Variants in RAD51AP2 observed in about 807,000 individuals in gnomAD.
RAD51AP2 encodes the protein RAD51 associated protein 2, also known as RAD51-associated protein 2.
In RAD51AP2, 67 loss-of-function variants were observed where a neutral mutation model predicts 85.5. The observed-to-expected ratio is 0.78, with a 90% CI of 0.64 to 0.96. RAD51AP2 has a LOEUF of 0.96. RAD51AP2 is among the 40% of genes least tolerant of loss of function. RAD51AP2 has a pLI of 0.00. For synonymous variants in RAD51AP2, 474 were observed against 446.5 expected, an observed-to-expected ratio of 1.06 and a Z score of -0.78; for missense variants, 1,307 against 1,332.4, an observed-to-expected ratio of 0.98 and a Z score of 0.30.
the RAD51AP2 span, among the ~76,000 whole-genome samples, chr2:17,532,172 C>T: frequency 6.6e-6 from 1 of 152,096 alleles, no homozygotes; most frequent in East Asian, 1.9e-4. Flanking sequence ...CACCAGTTTC[C>T]TAGGGCTGCT....
At chr2:17,529,248 CTAA>C in the RAD51AP2 span, among the ~76,000 whole-genome samples, 51 of 151,234 alleles carry the variant, frequency 3.4e-4, no homozygotes, top group East Asian at 6.4e-3. Flanking sequence ...AATTTGTCAA[CTAA>C]TAATAAAAAA....
Position 17,515,612 on chromosome 2 carries a change from A to T in RAD51AP2, c.2804T>A (p.Leu935Gln). 6.2e-7 allele frequency: 1 copy of T among 1,611,632 alleles called. No individual in the cohort carries two copies. The highest frequency in any genetic ancestry group is 8.5e-7 in the Non-Finnish European group (1 of 1,178,986). Residue 935 changes from leucine (L) to glutamine (Q), a missense_variant, in exon 1 of 3, where the codon CTG (leucine) becomes CAG (glutamine). By Grantham distance (113) the Leu-to-Gln change is moderately radical (BLOSUM62 -2). Around this residue, in one of 3 missense-constraint regions of RAD51AP2, gnomAD observed 668 missense variants for 671.0 expected, o/e 1.00. Transcript: ENST00000399080. ...AAAACATTCATCATTCCCTTCACTC[A>T]GACCAGTTTCAAATTGATGATTAAT... The part of the protein sequence containing the change: ...LYINHQFETG[L>Q]SEGNDECFQD...
In RAD51AP2 at chr2:17,515,438, G is replaced by A; in HGVS notation, c.2978C>T (p.Thr993Ile). Residue 993 changes from threonine (T) to isoleucine (I), a missense_variant, in exon 1 of 3, where the codon ACA becomes ATA. Around this residue, in one of 3 missense-constraint regions of RAD51AP2, gnomAD observed 668 missense variants for 671.0 expected, o/e 1.00. Coordinates refer to ENST00000399080, the MANE Select transcript of RAD51AP2 (RefSeq NM_001099218.3). ...AAAGTAATTTTCTTGCCCATTGTTT[G>A]TTTCCACAGTGCTTAGAAGTTCATT... Reference protein sequence around the residue: ...RENELLSTVETNNGQENYFGE... With the variant: ...RENELLSTVEINNGQENYFGE... 6.2e-7 allele frequency: 1 copy of A among 1,612,982 alleles called. No individual in the cohort carries two copies. The highest frequency in any genetic ancestry group is 1.1e-5 in the South Asian group (1 of 90,782).
the RAD51AP2 span, among the ~76,000 whole-genome samples, chr2:17,528,788 G>A: frequency 6.6e-6 from 1 of 152,150 alleles, no homozygotes; most frequent in Non-Finnish European, 1.5e-5. Context: ...AGGATGTAGT[G>A]AGCCGTGATT....
At chr2:17,511,425 T>C (rs1008413143) in intron 2 of RAD51AP2, among the ~76,000 whole-genome samples, 31 of 152,196 alleles carry the variant, frequency 2.0e-4, no homozygotes, top group Admixed American at 2.0e-3. Flanking sequence ...GGGCTCTGAG[T>C]TGGAAGTTGT....
At chr2:17,529,215 A>AT in the RAD51AP2 span, among the ~76,000 whole-genome samples, 5 of 151,776 alleles carry the variant, frequency 3.3e-5, no homozygotes, top group Admixed American at 6.6e-5. Context: ...CTCTGTATAC[A>AT]TTTACTATAA....
At chr2:17,526,498 T>G in the RAD51AP2 span, among the ~76,000 whole-genome samples, 2 of 152,170 alleles carry the variant, frequency 1.3e-5, no homozygotes, top group African/African-American at 4.8e-5. Context: ...AATTGCTGCA[T>G]GTCATTGCAG....
chr2:17,515,974 T>C lies in RAD51AP2; in HGVS notation c.2442A>G (p.Val814=), dbSNP rs750596603. The change falls in exon 1 of 3, where the codon GTA becomes GTG. Residue 814 remains valine (V), a synonymous_variant. Transcript: ENST00000399080. ...CACTTAGCAAGTTCCAAAAATTTAG[T>C]ACTTGAGTTATAGAAGTGGTATGGG... is the stretch of plus-strand genomic sequence containing the variant. ...EETHTTSITQ[V]LNFWNLLSEI... 6.2e-7 allele frequency: 1 copy of C among 1,611,408 alleles called. No individual in the cohort carries two copies. Among genetic ancestry groups the C allele is most frequent in the Admixed American group, 1.7e-5 (1 of 59,570 alleles).
rs1222867387 is a variant in RAD51AP2 at position 17,517,128 on chromosome 2, A to AT, written c.1287dup (p.Trp430MetfsTer27). The AT allele has an allele frequency of 4.6e-5, 74 of 1,610,560 alleles. No homozygotes were observed. The highest frequency in any genetic ancestry group is 6.3e-5 in the Non-Finnish European group (74 of 1,178,758). On this transcript the variant is annotated frameshift_variant, in exon 1 of 3. Transcript: ENST00000399080. LOFTEE classifies it high-confidence loss of function. ...ATTTCTAATAATAATAGCCAATTCC[A>AT]TTTTTCTTCAGTTTTTTTCATATTT... is the stretch of plus-strand genomic sequence containing the variant.
At chr2:17,511,149 C>T (rs1662481811) in intron 2 of RAD51AP2, among the ~76,000 whole-genome samples, 194 bp from the exon 3 acceptor site, 1 of 152,036 alleles carries the variant, frequency 6.6e-6, no homozygotes, top group Non-Finnish European at 1.5e-5. Context: ...AAAACATAAG[C>T]ACAAAAAGTT....
upstream of RAD51AP2, among the ~76,000 whole-genome samples, chr2:17,520,566 T>C (rs1396940809): frequency 6.6e-6 from 1 of 152,102 alleles, no homozygotes; most frequent in African/African-American, 2.4e-5. Flanking sequence ...CGTGGTGTCT[T>C]CTTATAGTTC....
chr2:17,534,040 T>G, the RAD51AP2 span, among the ~76,000 whole-genome samples: 1 of 152,232 alleles, frequency 6.6e-6, no homozygotes, highest in African/African-American at 2.4e-5. Context: ...GATTTTCCAA[T>G]AGAATTTCTT....
At chr2:17,532,050 G>A in the RAD51AP2 span, among the ~76,000 whole-genome samples, 4 of 152,002 alleles carry the variant, frequency 2.6e-5, no homozygotes, top group South Asian at 2.1e-4. Context: ...GCCGGGGTGG[G>A]GGGGGAAGCA....
the RAD51AP2 span, among the ~76,000 whole-genome samples, chr2:17,532,856 T>C: frequency 6.6e-6 from 1 of 152,250 alleles, no homozygotes. Context: ...CAAATTATTA[T>C]TTTTGTTATT....
At chr2:17,514,981 A>G (rs373410681) in intron 1 of RAD51AP2, among the ~76,000 whole-genome samples, 188 bp downstream of exon 1, 22 of 149,578 alleles carry the variant, frequency 1.5e-4, no homozygotes, top group Admixed American at 7.4e-4. Context: ...TGTTTCTATC[A>G]TAAATAAAGC....
At chr2:17,518,658 T>C (rs1483384259), upstream of RAD51AP2, among the ~76,000 whole-genome samples, 1 of 146,510 alleles carries the variant, frequency 6.8e-6, no homozygotes, top group Non-Finnish European at 1.5e-5. Context: ...CCACTGAAGG[T>C]CGGAGCACCC....
chr2:17,512,285 C>CTT (rs1662514715), intron 2 of RAD51AP2, among the ~76,000 whole-genome samples: 1 of 152,194 alleles, frequency 6.6e-6, no homozygotes, highest in Non-Finnish European at 1.5e-5. Flanking sequence ...GGCAACCACT[C>CTT]TAACTAGGCA....
chr2:17,517,964 G>C lies in RAD51AP2; in HGVS notation c.452C>G (p.Ser151Cys), dbSNP rs1258005912. The C allele has an allele frequency of 6.2e-7, 1 of 1,614,136 alleles. No homozygotes were observed. Among genetic ancestry groups the C allele is most frequent in the Non-Finnish European group, 8.5e-7 (1 of 1,180,028 alleles). Residue 151 changes from serine (S) to cysteine (C), a missense_variant, in exon 1 of 3, where the codon TCC (serine) becomes TGC (cysteine). By Grantham distance (112) the Ser-to-Cys change is moderately radical. Coordinates refer to ENST00000399080, the MANE Select transcript of RAD51AP2 (RefSeq NM_001099218.3). The part of the protein sequence containing the change: ...EAFSVHRSNS[S>C]KAGVSQLLPS... Reference sequence around the variant, plus strand: ...CAGAAGTTGACTAACCCCTGCTTTGGAGCTATTACTGCGGTGCACACTGAA... The same window carrying C: ...CAGAAGTTGACTAACCCCTGCTTTGCAGCTATTACTGCGGTGCACACTGAA...
Position 17,517,685 on chromosome 2 carries a change from T to G in RAD51AP2, c.731A>C (p.Glu244Ala), listed in dbSNP as rs370006156. Residue 244 changes from glutamate to alanine, a missense_variant, in exon 1 of 3, where the codon GAA becomes GCA. This residue lies in a region of RAD51AP2 where 635 missense variants were observed against 643.6 expected (regional missense o/e 0.99). Transcript: ENST00000399080. Reference protein sequence around the residue: ...ISKSQNQPSLEIAKPSYFRDS... With the variant: ...ISKSQNQPSLAIAKPSYFRDS... ...TCTAAAATAGCTAGGTTTGGCAATT[T>G]CCAAGCTGGGCTGGTTTTGAGATTT... The G allele has an allele frequency of 6.2e-7, 1 of 1,613,318 alleles. No individual in the cohort carries two copies. The highest frequency in any genetic ancestry group is 1.3e-5 in the African/African-American group (1 of 74,998).
Sources: allele counts gnomAD v4.1 joint callset (sites outside exome capture counted in the v4.1 genomes callset), GRCh38; gene constraint gnomAD v4.1.1; regional missense constraint gnomAD v4.1.1; transcripts MANE v1.5; gene names NCBI Gene and HGNC (gene_info 2026-07-23, HGNC 2026-07-21).